Variants in WASHC5 observed in about 807,000 individuals in gnomAD.
WASHC5 encodes the protein WASH complex subunit 5.
In WASHC5, 101 loss-of-function variants were observed where a neutral mutation model predicts 150.4. The observed-to-expected ratio is 0.67, with a 90% confidence interval of 0.57 to 0.79. WASHC5 has a LOEUF of 0.79. WASHC5 is among the 30% of genes least tolerant of loss of function. The pLI, the probability that WASHC5 is intolerant of heterozygous loss-of-function variation, is 0.00. For synonymous variants in WASHC5, 467 were observed against 491.2 expected (o/e 0.95, Z 0.65); for missense variants, 1,195 against 1,396.3 (o/e 0.86, Z 2.30).
intron 17 of WASHC5, among the ~76,000 whole-genome samples, chr8:125,053,347 T>C (rs1183740705): frequency 6.6e-6 from 1 of 152,130 alleles, no homozygotes; most frequent in African/African-American, 2.4e-5. Context: ...AGCAGAGTAT[T>C]CCTTCTGCTG....
Position 125,044,107 on chromosome 8 carries a change from A to C in WASHC5, c.2668-13T>G. The C allele has an allele frequency of 6.5e-7, 1 of 1,531,552 alleles. No homozygotes were observed. Among genetic ancestry groups the C allele is most frequent in the Non-Finnish European group, 9.0e-7 (1 of 1,105,252 alleles). The allele number at this position is 1,531,552 out of a possible 1,614,324, so 94.9% of individuals were successfully genotyped here. On this transcript the variant is annotated splice_polypyrimidine_tract_variant and intron_variant, in intron 21 of 28. Coordinates refer to ENST00000318410, the MANE Select transcript of WASHC5 (RefSeq NM_014846.4). ...TACTGAGGAAATTCTAAAAACAAGA[A>C]GGCACGGTCAAAGAACCAAACATAA...
intron 5 of WASHC5, among the ~76,000 whole-genome samples, chr8:125,079,139 T>TATATATAC (rs1377087490): frequency 7.7e-6 from 1 of 129,574 alleles, no homozygotes; most frequent in Non-Finnish European, 1.5e-5. Context: ...TATATATATA[T>TATATATAC]ACATTTTTTT....
chr8:125,090,819 C>G (rs1817592413), intron 1 of WASHC5, among the ~76,000 whole-genome samples: 1 of 152,192 alleles, frequency 6.6e-6, no homozygotes, highest in Admixed American at 6.5e-5. Context: ...CTCCACAAAT[C>G]CATTATCACA....
At chr8:125,063,674 T>G in intron 10 of WASHC5, 23 bp from the exon 11 acceptor site, 1 of 1,611,298 alleles carries the variant, frequency 6.2e-7, no homozygotes, top group African/African-American at 1.3e-5. Context: ...CAGAAAATAT[T>G]TATTTACTTA....
At chr8:125,031,305 C>T (rs1357742763) in intron 27 of WASHC5, among the ~76,000 whole-genome samples, 4 of 152,118 alleles carry the variant, frequency 2.6e-5, no homozygotes, top group Admixed American at 1.3e-4. Flanking sequence ...GATGGAGTCT[C>T]GCTCTGTCAC....
Position 125,038,810 on chromosome 8 carries a change from T to C in WASHC5, c.3084+20A>G, listed in dbSNP as rs1223737099. On this transcript the variant is annotated intron_variant, in intron 25 of 28. Transcript: ENST00000318410. ...CATTCTGTACCCCCATCCCCGCCAT[T>C]ATATATTTTAATTACTCACCTTATT... The C allele has an allele frequency of 6.2e-7, 1 of 1,613,300 alleles. No individual in the cohort carries two copies. Among genetic ancestry groups the C allele is most frequent in the Non-Finnish European group, 8.5e-7 (1 of 1,179,416 alleles).
intron 17 of WASHC5, 49 bp from the exon 18 acceptor site, chr8:125,050,714 C>T: frequency 7.1e-7 from 1 of 1,408,924 alleles, no homozygotes; most frequent in South Asian, 1.2e-5. Context: ...AAATTCAGTC[C>T]TAACGAAATC....
At chr8:125,030,072 T>C (rs1375577982) in intron 27 of WASHC5, among the ~76,000 whole-genome samples, 1 of 152,160 alleles carries the variant, frequency 6.6e-6, no homozygotes, top group African/African-American at 2.4e-5. Context: ...ACCCTCAGGG[T>C]TGCCAATAAC....
At chr8:125,050,808 C>A (rs529892631) in intron 17 of WASHC5, 143 bp from the exon 18 acceptor site, 4 of 687,632 alleles carry the variant, frequency 5.8e-6, no homozygotes, top group South Asian at 4.8e-5. Context: ...CCTTTCCTGT[C>A]CCTGTGATCT....
chr8:125,062,308 A>G (rs1440145872), intron 11 of WASHC5, among the ~76,000 whole-genome samples: 1 of 152,192 alleles, frequency 6.6e-6, no homozygotes, highest in Non-Finnish European at 1.5e-5. Context: ...TAAGGATGAG[A>G]AAAAACTGTG....
intron 17 of WASHC5, among the ~76,000 whole-genome samples, chr8:125,052,609 T>TCCACACACACACAC (rs1554593112): frequency 7.1e-6 from 1 of 141,798 alleles, no homozygotes; most frequent in Non-Finnish European, 1.5e-5. Context: ...TCACACACAC[T>TCCACACACACACAC]ACACACACAC....
Position 125,026,738 on chromosome 8 carries a change from T to G in WASHC5, c.3423+1882A>C, listed in dbSNP as rs1053412694. Among the ~76,000 whole-genome samples, 21 of 152,176 alleles carry G rather than the reference T, an allele frequency of 1.4e-4. 1 individual carries two copies. The highest frequency in any genetic ancestry group is 2.5e-4 in the Non-Finnish European group (17 of 68,018). ...GGTGTGTTTCTAGGCTACATATTCT[T>G]GCTCATTGTTCCTTCTATTTAGTTG... On this transcript the variant is annotated intron_variant, in intron 28 of 28. Transcript: ENST00000318410.
intron 11 of WASHC5, among the ~76,000 whole-genome samples, chr8:125,063,036 C>A (rs114810228): frequency 6.6e-6 from 1 of 151,992 alleles, no homozygotes; most frequent in Admixed American, 6.6e-5. Context: ...CAGGTGCATT[C>A]GTGAACAAGA....
intron 18 of WASHC5, among the ~76,000 whole-genome samples, chr8:125,049,628 C>T (rs935025721): frequency 6.6e-6 from 1 of 151,756 alleles, no homozygotes; most frequent in African/African-American, 2.4e-5. Flanking sequence ...GGGTGGATCA[C>T]TTGAGGTCAG....
At chr8:125,063,380 T>C (rs113585605) in intron 11 of WASHC5, 142 bp downstream of exon 11, 1 of 938,266 alleles carries the variant, frequency 1.1e-6, no homozygotes. Context: ...AACCTTCAGA[T>C]CTTTATTAGC....
At chr8:125,075,646 G>A (rs1225719659) in intron 7 of WASHC5, among the ~76,000 whole-genome samples, 1 of 152,110 alleles carries the variant, frequency 6.6e-6, no homozygotes, top group African/African-American at 2.4e-5. Flanking sequence ...CAGTTGGCCA[G>A]GAACCACCAC....
At chr8:125,069,208 T>C (rs1025255628) in intron 9 of WASHC5, among the ~76,000 whole-genome samples, 1 of 152,216 alleles carries the variant, frequency 6.6e-6, no homozygotes, top group African/African-American at 2.4e-5. Context: ...AGCTCTCTCT[T>C]GCACCCACTA....
chr8:125,084,788 T>C (rs1457277391), intron 1 of WASHC5, among the ~76,000 whole-genome samples: 1 of 152,228 alleles, frequency 6.6e-6, no homozygotes, highest in African/African-American at 2.4e-5. Flanking sequence ...ATGAAGATGT[T>C]TAAACATCTC....
rs1412138089 is a variant in WASHC5 at position 125,073,198 on chromosome 8, A to C, written c.1105T>G (p.Cys369Gly). The C allele has an allele frequency of 6.2e-7, 1 of 1,614,046 alleles. No individual in the cohort carries two copies. Among genetic ancestry groups the C allele is most frequent in the Non-Finnish European group, 8.5e-7 (1 of 1,180,018 alleles). Residue 369 changes from cysteine (C) to glycine (G), a missense_variant, in exon 9 of 29, where the codon TGC (cysteine) becomes GGC (glycine). Around this residue, in one of 3 missense-constraint regions of WASHC5, gnomAD observed 997 missense variants for 1,168.1 expected, o/e 0.85. Transcript: ENST00000318410. ...IPKLLNCLRD[C>G]NVAIRWLMLH... Reference sequence around the variant, plus strand: ...ATCAGCCATCGGATGGCAACATTGCAGTCTCTCAGGCAGTTCAGAAGCTTT... The same window carrying C: ...ATCAGCCATCGGATGGCAACATTGCCGTCTCTCAGGCAGTTCAGAAGCTTT...
Sources: gnomAD v4.1 joint callset for allele counts (sites outside exome capture counted in the v4.1 genomes callset) on GRCh38, gnomAD v4.1.1 for gene constraint, gnomAD v4.1.1 regional missense constraint, MANE v1.5 for transcripts, NCBI Gene and HGNC (gene_info 2026-07-23, HGNC 2026-07-21) for gene names.